Variants in CAST observed in about 807,000 individuals in gnomAD.
CAST encodes MIR583 host.
In CAST, 76 loss-of-function variants were observed where a neutral mutation model predicts 119.6. That is an observed-to-expected ratio of 0.64 (90% CI 0.53 to 0.77). The LOEUF (loss-of-function observed/expected upper bound fraction) is 0.77, where lower values mean the gene tolerates loss of function less well. CAST is among the 30% of genes least tolerant of loss of function. The pLI is 0.00. For missense variants in CAST, 953 were observed against 946.5 expected (o/e 1.01, Z -0.09); for synonymous variants, 319 against 331.6 (o/e 0.96, Z 0.41).
At chr5:96,344,966 C>G in the CAST span, among the ~76,000 whole-genome samples, 1 of 152,150 alleles carries the variant, frequency 6.6e-6, no homozygotes, top group Non-Finnish European at 1.5e-5. Flanking sequence ...ATGATTTGGT[C>G]GAAGTCTTGC....
intron 19 of CAST, among the ~76,000 whole-genome samples, chr5:96,749,559 T>G (rs1335826882): frequency 1.3e-5 from 2 of 152,206 alleles, no homozygotes; most frequent in African/African-American, 4.8e-5. Flanking sequence ...TGTTTTGTTT[T>G]TTCTTGAGAT....
chr5:96,032,720 T>C, the CAST span, among the ~76,000 whole-genome samples: 41 of 152,110 alleles, frequency 2.7e-4, 1 homozygote, highest in Non-Finnish European at 2.5e-4. Context: ...AATATTCATA[T>C]CCTATATATT....
chr5:96,664,446 C>T (rs1423306083), intron 1 of CAST, among the ~76,000 whole-genome samples: 1 of 151,472 alleles, frequency 6.6e-6, no homozygotes, highest in Non-Finnish European at 1.5e-5. Flanking sequence ...ATATACTGTA[C>T]AGGGTCTCTC....
chr5:96,321,326 A>C, the CAST span, among the ~76,000 whole-genome samples: 6 of 152,228 alleles, frequency 3.9e-5, no homozygotes, highest in Non-Finnish European at 7.3e-5. Flanking sequence ...ATGTCTCCAG[A>C]CATTGACTGG....
At chr5:96,145,181 C>A in the CAST span, among the ~76,000 whole-genome samples, 1 of 152,146 alleles carries the variant, frequency 6.6e-6, no homozygotes, top group Non-Finnish European at 1.5e-5. Flanking sequence ...ATTAGTTTAT[C>A]TTTCATTTTG....
At chr5:96,329,440 G>A in the CAST span, among the ~76,000 whole-genome samples, 5 of 152,186 alleles carry the variant, frequency 3.3e-5, no homozygotes, top group Admixed American at 3.3e-4. Context: ...GCCTTGCTAG[G>A]AATGTCAATC....
At chr5:96,577,595 A>C (rs1746698762) in intron 1 of CAST, among the ~76,000 whole-genome samples, 1 of 151,928 alleles carries the variant, frequency 6.6e-6, no homozygotes, top group African/African-American at 2.4e-5. Context: ...ATTTTCATTC[A>C]GTTCTGTATA....
At chr5:96,091,132 G>T in the CAST span, among the ~76,000 whole-genome samples, 5 of 152,022 alleles carry the variant, frequency 3.3e-5, no homozygotes, top group Non-Finnish European at 4.4e-5. Flanking sequence ...TTTGGAGACA[G>T]ACAGGCCTGG....
chr5:95,983,076 A>G, the CAST span, among the ~76,000 whole-genome samples: 2 of 152,258 alleles, frequency 1.3e-5, no homozygotes, highest in East Asian at 3.8e-4. Context: ...CAGACACAAG[A>G]AAATACATAT....
the CAST span, among the ~76,000 whole-genome samples, chr5:96,022,709 CTTAGTT>C: frequency 3.9e-4 from 60 of 152,244 alleles, no homozygotes; most frequent in African/African-American, 1.4e-3. Flanking sequence ...TACAAAGAGA[CTTAGTT>C]TAAAGAATTG....
At chr5:96,424,824 A>G in the CAST span, among the ~76,000 whole-genome samples, 1 of 152,012 alleles carries the variant, frequency 6.6e-6, no homozygotes, top group Non-Finnish European at 1.5e-5. Flanking sequence ...TTAGCTGGGC[A>G]TGGTGGCGGG....
At chr5:96,537,533 T>C (rs572242492) in intron 1 of CAST, among the ~76,000 whole-genome samples, 1 of 149,666 alleles carries the variant, frequency 6.7e-6, no homozygotes, top group Non-Finnish European at 1.5e-5. Context: ...TCAGTTACTA[T>C]ACTTCTGTGA....
At chr5:96,649,085 T>C (rs1748059642) in intron 1 of CAST, among the ~76,000 whole-genome samples, 1 of 152,196 alleles carries the variant, frequency 6.6e-6, no homozygotes, top group African/African-American at 2.4e-5. Context: ...CATATAAAAT[T>C]GCCTATATTC....
chr5:96,170,344 G>GCTC, the CAST span, among the ~76,000 whole-genome samples: 2 of 152,208 alleles, frequency 1.3e-5, no homozygotes, highest in African/African-American at 4.8e-5. Context: ...CTTGTAGCAA[G>GCTC]CTGCGGGAGG....
At chr5:96,538,437 A>G (rs1317564080) in intron 1 of CAST, among the ~76,000 whole-genome samples, 2 of 152,240 alleles carry the variant, frequency 1.3e-5, no homozygotes, top group Non-Finnish European at 1.5e-5. Flanking sequence ...TTTGGAAATC[A>G]ACTTGCTTTG....
At chr5:96,035,695 C>G in the CAST span, among the ~76,000 whole-genome samples, 117 of 151,904 alleles carry the variant, frequency 7.7e-4, no homozygotes, top group Non-Finnish European at 1.4e-3. Context: ...TTGAGAATTT[C>G]TCACTTAGAA....
the CAST span, among the ~76,000 whole-genome samples, chr5:95,983,781 G>A: frequency 6.6e-6 from 1 of 152,142 alleles, no homozygotes; most frequent in East Asian, 1.9e-4. Context: ...TGGGGATAAT[G>A]CATTAAGAGA....
chr5:96,163,601 A>G, the CAST span, among the ~76,000 whole-genome samples: 1 of 152,246 alleles, frequency 6.6e-6, no homozygotes, highest in Admixed American at 6.5e-5. Flanking sequence ...CTGGAAATGT[A>G]AAAGGATATT....
At chr5:96,316,316 G>C in the CAST span, among the ~76,000 whole-genome samples, 18 of 152,168 alleles carry the variant, frequency 1.2e-4, no homozygotes, top group African/African-American at 4.1e-4. Context: ...TCAAAGTCAA[G>C]CTGCCTGAGC....
Sources: gnomAD v4.1 joint callset for allele counts (sites outside exome capture counted in the v4.1 genomes callset) on GRCh38, gnomAD v4.1.1 for gene constraint, MANE v1.5 for transcripts, NCBI Gene and HGNC (gene_info 2026-07-23, HGNC 2026-07-21) for gene names.